Variants in DOCK2 observed in about 807,000 individuals in gnomAD.
DOCK2 encodes dedicator of cytokinesis 2, also known as dedicator of cytokinesis protein 2.
In DOCK2, 87 loss-of-function variants were observed where a neutral mutation model predicts 248.9. The ratio of observed to expected loss-of-function variants is 0.35; its 90% CI spans 0.29 to 0.42. The LOEUF is 0.42. DOCK2 is among the 10% of genes least tolerant of loss of function. DOCK2 has a pLI of 1.00. For missense variants in DOCK2, 1,747 were observed against 2,300.2 expected (o/e 0.76, Z 4.92); for synonymous variants, 805 against 821.6 (o/e 0.98, Z 0.35).
chr5:169,993,891 A>G (rs967919541), intron 29 of DOCK2, among the ~76,000 whole-genome samples: 1 of 152,158 alleles, frequency 6.6e-6, no homozygotes, highest in Non-Finnish European at 1.5e-5. Flanking sequence ...AAATAACCCA[A>G]CCTTCTTGTT....
intron 27 of DOCK2, among the ~76,000 whole-genome samples, chr5:169,895,856 T>C (rs146354775): frequency 2.6e-5 from 4 of 152,332 alleles, no homozygotes; most frequent in Admixed American, 2.6e-4. Context: ...GCCTGGCACA[T>C]AATAGATATA....
At chr5:170,038,411 G>T (rs1215884598) in intron 36 of DOCK2, among the ~76,000 whole-genome samples, 1 of 152,220 alleles carries the variant, frequency 6.6e-6, no homozygotes, top group Admixed American at 6.5e-5. Context: ...CTGAAAATCT[G>T]TTCTGTTTGG....
At chr5:169,902,886 T>A (rs1581388358) in intron 27 of DOCK2, among the ~76,000 whole-genome samples, 1 of 151,908 alleles carries the variant, frequency 6.6e-6, no homozygotes, top group African/African-American at 2.4e-5. Context: ...GATCACAAGG[T>A]CAAGAGATCG....
intron 27 of DOCK2, among the ~76,000 whole-genome samples, chr5:169,935,326 T>C (rs1360313530): frequency 6.6e-6 from 1 of 152,204 alleles, no homozygotes. Context: ...CCCATGCCTG[T>C]GTAGGGAAAC....
chr5:169,908,713 C>CTTTTTTTTTTTTT (rs34261104), intron 27 of DOCK2, among the ~76,000 whole-genome samples: 26 of 105,000 alleles, frequency 2.5e-4, no homozygotes, highest in Admixed American at 3.2e-4. Context: ...TTTCTTTTTT[C>CTTTTTTTTTTTTT]TTTTTTTTTT....
intron 27 of DOCK2, among the ~76,000 whole-genome samples, chr5:169,955,002 A>C (rs1027021889): frequency 4.6e-5 from 7 of 152,240 alleles, no homozygotes; most frequent in African/African-American, 1.7e-4. Context: ...AACCTCCATG[A>C]GGAAGGCTCA....
chr5:169,729,714 T>C (rs528806295), intron 22 of DOCK2, among the ~76,000 whole-genome samples: 2 of 152,090 alleles, frequency 1.3e-5, no homozygotes, highest in South Asian at 4.1e-4. Context: ...TTTCAAATGG[T>C]AATAAATGTC....
At chr5:169,891,856 G>A (rs1306729588) in intron 27 of DOCK2, among the ~76,000 whole-genome samples, 1 of 151,956 alleles carries the variant, frequency 6.6e-6, no homozygotes, top group Non-Finnish European at 1.5e-5. Flanking sequence ...TTCTCTGAGT[G>A]TGGTGGCAGG....
chr5:169,835,954 C>G (rs1769553482), intron 26 of DOCK2, among the ~76,000 whole-genome samples: 1 of 152,130 alleles, frequency 6.6e-6, no homozygotes, highest in Non-Finnish European at 1.5e-5. Flanking sequence ...TGGGATTTCG[C>G]CCTGTTGCCC....
intron 22 of DOCK2, among the ~76,000 whole-genome samples, chr5:169,746,604 T>C (rs1226436220): frequency 6.6e-6 from 1 of 152,110 alleles, no homozygotes; most frequent in Non-Finnish European, 1.5e-5. Flanking sequence ...TGATAAACAT[T>C]TGTTTGGAGA....
chr5:169,882,341 A>G (rs1772703313), intron 27 of DOCK2, among the ~76,000 whole-genome samples: 1 of 152,212 alleles, frequency 6.6e-6, no homozygotes, highest in Admixed American at 6.5e-5. Context: ...GAAAACAAAC[A>G]GCAGTAGAAA....
Position 169,681,897 on chromosome 5 carries a change from G to A in DOCK2, c.606+18G>A. On this transcript the variant is annotated intron_variant, in intron 7 of 51. Transcript: ENST00000520908. ...AAGAAATGGTGAGCTTTACTAAATA[G>A]GCTTTGGCCAAGTGATACAATCATT... is the stretch of plus-strand genomic sequence containing the variant. The A allele has an allele frequency of 5.6e-6, 9 of 1,611,736 alleles. No individual in the cohort carries two copies. Among genetic ancestry groups the A allele is most frequent in the Non-Finnish European group, 7.6e-6 (9 of 1,179,152 alleles).
chr5:169,947,930 G>A (rs145417888), intron 27 of DOCK2, among the ~76,000 whole-genome samples: 164 of 152,240 alleles, frequency 1.1e-3, no homozygotes, highest in African/African-American at 3.9e-3. Flanking sequence ...GTGCAGTGCC[G>A]CTGCGTTCTG....
chr5:170,061,466 G>A (rs1217499081), intron 44 of DOCK2, among the ~76,000 whole-genome samples: 1 of 152,230 alleles, frequency 6.6e-6, no homozygotes, highest in East Asian at 1.9e-4. Context: ...TGGCACATAG[G>A]AGGCAATTGA....
intron 22 of DOCK2, among the ~76,000 whole-genome samples, chr5:169,726,461 G>T (rs1341318287): frequency 6.6e-6 from 1 of 152,166 alleles, no homozygotes; most frequent in Non-Finnish European, 1.5e-5. Flanking sequence ...TAGGTTGCCT[G>T]TTCACTCTGA....
At chr5:169,849,930 G>A (rs1324873084) in intron 27 of DOCK2, among the ~76,000 whole-genome samples, 1 of 152,238 alleles carries the variant, frequency 6.6e-6, no homozygotes, top group Non-Finnish European at 1.5e-5. Context: ...ATGAACACCT[G>A]CTAAATGAAT....
intron 10 of DOCK2, 58 bp from the exon 11 acceptor site, chr5:169,698,316 C>T: frequency 6.4e-7 from 1 of 1,557,220 alleles, no homozygotes; most frequent in Non-Finnish European, 8.8e-7. Context: ...ATCCCACTGT[C>T]ATCCCTTATG....
chr5:169,930,256 C>G (rs1421053708), intron 27 of DOCK2, among the ~76,000 whole-genome samples: 1 of 152,168 alleles, frequency 6.6e-6, no homozygotes, highest in African/African-American at 2.4e-5. Context: ...TCCCAAAGTG[C>G]TGGGATTACA....
chr5:169,954,478 C>G (rs1226254525), intron 27 of DOCK2, among the ~76,000 whole-genome samples: 1 of 152,196 alleles, frequency 6.6e-6, no homozygotes, highest in Admixed American at 6.5e-5. Flanking sequence ...TAGATGAAGG[C>G]AGTCAGGCAG....
Sources: gnomAD v4.1 joint callset for allele counts (sites outside exome capture counted in the v4.1 genomes callset) on GRCh38, gnomAD v4.1.1 for gene constraint, MANE v1.5 for transcripts, NCBI Gene and HGNC (gene_info 2026-07-23, HGNC 2026-07-21) for gene names.